PRR16: variants seen among roughly 807,000 people sequenced by gnomAD.
PRR16 encodes the protein protein Largen.
In PRR16, 6 loss-of-function variants were observed where a neutral mutation model predicts 18.2. The observed-to-expected ratio is 0.33, with a 90% CI of 0.18 to 0.65. The LOEUF (loss-of-function observed/expected upper bound fraction) is 0.65, where lower values mean the gene tolerates loss of function less well. Ranked by LOEUF, PRR16 falls within the 30% of genes least tolerant of loss-of-function variation. The pLI is 0.74. For missense variants in PRR16, 412 were observed against 376.6 expected (o/e 1.09, Z -0.78); for synonymous variants, 151 against 147.8 (o/e 1.02, Z -0.16).
chr5:120,766,989 G>GAGAAAATGTTTTAAAATCTGATGTAAA, the PRR16 span, among the ~76,000 whole-genome samples: 1 of 151,844 alleles, frequency 6.6e-6, no homozygotes, highest in African/African-American at 2.4e-5. Context: ...GGAATACTAA[G>GAGAAAATGTTTTAAAATCTGATGTAAA]AGAAAATGTT....
At chr5:120,624,131 A>G (rs1324064903) in intron 1 of PRR16, among the ~76,000 whole-genome samples, 1 of 152,164 alleles carries the variant, frequency 6.6e-6, no homozygotes, top group African/African-American at 2.4e-5. Context: ...ACAGATAAGG[A>G]AAGAATGACT....
At chr5:120,677,011 C>G (rs752604445) in intron 1 of PRR16, among the ~76,000 whole-genome samples, 3 of 152,144 alleles carry the variant, frequency 2.0e-5, no homozygotes, top group Admixed American at 6.5e-5. Flanking sequence ...TACATTGTTT[C>G]TAGCACAAGT....
the PRR16 span, among the ~76,000 whole-genome samples, chr5:120,752,433 G>T: frequency 6.6e-6 from 1 of 151,906 alleles, no homozygotes; most frequent in Admixed American, 6.6e-5. Flanking sequence ...GGTGAGGAGG[G>T]ACAGTAAGGG....
At chr5:120,572,349 A>T (rs1752934972) in intron 1 of PRR16, among the ~76,000 whole-genome samples, 1 of 152,208 alleles carries the variant, frequency 6.6e-6, no homozygotes, top group Admixed American at 6.5e-5. Context: ...ACATCTTCTA[A>T]GTTTGGCTAA....
chr5:120,641,061 G>C (rs532770765), intron 1 of PRR16, among the ~76,000 whole-genome samples: 1 of 152,122 alleles, frequency 6.6e-6, no homozygotes, highest in Non-Finnish European at 1.5e-5. Flanking sequence ...GAGAGGAGAG[G>C]AGCCAAAGGG....
intron 1 of PRR16, among the ~76,000 whole-genome samples, chr5:120,527,349 C>G (rs908685611): frequency 6.6e-6 from 1 of 152,130 alleles, no homozygotes; most frequent in Admixed American, 6.6e-5. Context: ...TCCCTATCAT[C>G]AAATTGATTG....
the PRR16 span, among the ~76,000 whole-genome samples, chr5:120,784,920 G>C: frequency 1.3e-5 from 2 of 152,184 alleles, no homozygotes; most frequent in Admixed American, 6.5e-5. Flanking sequence ...GGTGTTAGGT[G>C]TATCTTTAAA....
At chr5:120,765,501 T>C in the PRR16 span, among the ~76,000 whole-genome samples, 2 of 152,068 alleles carry the variant, frequency 1.3e-5, no homozygotes, top group African/African-American at 4.8e-5. Context: ...CTGCCTTTCA[T>C]TTAAAAGAAC....
At chr5:120,722,361 G>T in the PRR16 span, among the ~76,000 whole-genome samples, 1 of 151,936 alleles carries the variant, frequency 6.6e-6, no homozygotes, top group Non-Finnish European at 1.5e-5. Flanking sequence ...TCTAAATATG[G>T]GGTAAGGTCC....
chr5:120,471,053 G>A (rs935690580), intron 1 of PRR16, among the ~76,000 whole-genome samples: 3 of 152,164 alleles, frequency 2.0e-5, no homozygotes, highest in Non-Finnish European at 2.9e-5. Context: ...CTTAAATTGG[G>A]AGTGAAGCTA....
At chr5:120,585,088 T>A (rs965971549) in intron 1 of PRR16, among the ~76,000 whole-genome samples, 5 of 152,208 alleles carry the variant, frequency 3.3e-5, no homozygotes, top group African/African-American at 1.2e-4. Context: ...GACTCAATTG[T>A]TAAAACAGCT....
At chr5:120,766,662 A>G in the PRR16 span, among the ~76,000 whole-genome samples, 18 of 151,982 alleles carry the variant, frequency 1.2e-4, no homozygotes, top group Non-Finnish European at 2.5e-4. Context: ...GTAATCCTCA[A>G]TATAGCACAA....
intron 1 of PRR16, among the ~76,000 whole-genome samples, chr5:120,654,157 C>G (rs1312077548): frequency 3.3e-5 from 5 of 151,910 alleles, no homozygotes; most frequent in African/African-American, 9.7e-5. Flanking sequence ...ATTTGCTGCC[C>G]CTTCTCCCTT....
the PRR16 span, among the ~76,000 whole-genome samples, chr5:120,791,814 C>A: frequency 3.3e-4 from 50 of 152,088 alleles, no homozygotes; most frequent in Non-Finnish European, 5.9e-5. Context: ...GATATAAAAT[C>A]AAACTCCCAA....
downstream of PRR16, among the ~76,000 whole-genome samples, chr5:120,691,968 T>C (rs1210574068): frequency 1.3e-5 from 2 of 152,218 alleles, no homozygotes; most frequent in Non-Finnish European, 2.9e-5. Flanking sequence ...ACAATTATTA[T>C]CCACATTTTA....
chr5:120,726,848 T>C, the PRR16 span, among the ~76,000 whole-genome samples: 1 of 152,104 alleles, frequency 6.6e-6, no homozygotes, highest in African/African-American at 2.4e-5. Flanking sequence ...TGTTTGAGTA[T>C]CTCCATGGCA....
the PRR16 span, among the ~76,000 whole-genome samples, chr5:120,729,133 T>G: frequency 6.6e-6 from 1 of 152,224 alleles, no homozygotes; most frequent in East Asian, 1.9e-4. Context: ...TCCTCTAAGC[T>G]TCACAAAATT....
the PRR16 span, among the ~76,000 whole-genome samples, chr5:120,768,082 C>T: frequency 1.3e-5 from 2 of 151,820 alleles, no homozygotes; most frequent in African/African-American, 4.8e-5. Context: ...CCACCTACTC[C>T]CAGCCCAAAT....
intron 1 of PRR16, among the ~76,000 whole-genome samples, chr5:120,614,641 G>A (rs1418921304): frequency 1.3e-5 from 2 of 152,190 alleles, no homozygotes; most frequent in Non-Finnish European, 2.9e-5. Context: ...AGAAGGAATT[G>A]TTCAGCTTGT....
Sources: allele counts gnomAD v4.1 joint callset (sites outside exome capture counted in the v4.1 genomes callset), GRCh38; gene constraint gnomAD v4.1.1; transcripts MANE v1.5; gene names NCBI Gene and HGNC (gene_info 2026-07-23, HGNC 2026-07-21).